NR3C2: variants seen among roughly 807,000 people sequenced by gnomAD.
NR3C2 encodes the protein nuclear receptor subfamily 3 group C member 2.
Under a neutral mutation model 86.4 loss-of-function variants are expected in NR3C2, and 15 were observed. The observed-to-expected ratio is 0.17, with a 90% CI of 0.12 to 0.27. The LOEUF (loss-of-function observed/expected upper bound fraction) is 0.27. Among genes scored for constraint, NR3C2 ranks in the 10% least tolerant of loss-of-function variants. The pLI is 1.00. For missense variants in NR3C2, 960 were observed against 1,195.6 expected (o/e 0.80, Z 2.91); for synonymous variants, 458 against 450.5 (o/e 1.02, Z -0.21).
At chr4:148,186,984 G>C (rs1417928451) in intron 4 of NR3C2, among the ~76,000 whole-genome samples, 1 of 38,604 alleles carries the variant, frequency 2.6e-5, no homozygotes, top group Non-Finnish European at 3.9e-5. Flanking sequence ...TCATACTGAT[G>C]TGTGTATGTA....
chr4:148,116,079 T>A (rs974860321), intron 7 of NR3C2, among the ~76,000 whole-genome samples: 5 of 152,190 alleles, frequency 3.3e-5, no homozygotes, highest in African/African-American at 1.2e-4. Flanking sequence ...TATAAAACTG[T>A]ACAAAGTAAA....
intron 2 of NR3C2, among the ~76,000 whole-genome samples, chr4:148,281,676 C>T (rs552336632): frequency 1.3e-5 from 2 of 152,310 alleles, no homozygotes; most frequent in East Asian, 3.9e-4. Flanking sequence ...ACCACATTCT[C>T]TGAATTTTCA....
intron 4 of NR3C2, among the ~76,000 whole-genome samples, chr4:148,163,495 A>C (rs1366771507): frequency 6.6e-6 from 1 of 152,226 alleles, no homozygotes. Context: ...CAAAGGGCAG[A>C]CTGTGATCTC....
chr4:148,315,296 T>G (rs1425307065), intron 2 of NR3C2, among the ~76,000 whole-genome samples: 1 of 152,222 alleles, frequency 6.6e-6, no homozygotes, highest in Non-Finnish European at 1.5e-5. Context: ...GCTGTCACTG[T>G]GCCTGTACAC....
chr4:148,226,216 T>C (rs1226889759), intron 3 of NR3C2, among the ~76,000 whole-genome samples: 3 of 152,136 alleles, frequency 2.0e-5, no homozygotes, highest in Admixed American at 6.6e-5. Context: ...TCGTACAATA[T>C]AGTAAGTCTG....
rs1189806009 is a variant in NR3C2 at position 148,137,695 on chromosome 4, C to T, written c.2510+14774G>A. ...TGGTTCTCAAATTGTGGTCTGAGGA[C>T]GCCAGGGTGTCCCCAAAACCCTTTC... On this transcript the variant is annotated intron_variant, in intron 6 of 8. Coordinates refer to ENST00000358102, the MANE Select transcript of NR3C2 (RefSeq NM_000901.5). 4.6e-5 allele frequency among the ~76,000 whole-genome samples: 7 copies of T among 152,244 alleles called. No individual in the cohort carries two copies. The East Asian group carries it at 5.8e-4, about 13-fold the overall frequency.
chr4:148,301,243 A>G (rs1008076406), intron 2 of NR3C2, among the ~76,000 whole-genome samples: 4 of 152,144 alleles, frequency 2.6e-5, no homozygotes, highest in African/African-American at 9.7e-5. Context: ...GCTCTAATTA[A>G]CTGACTTAAA....
chr4:148,165,341 A>T (rs905254595), intron 4 of NR3C2, among the ~76,000 whole-genome samples: 6 of 151,538 alleles, frequency 4.0e-5, no homozygotes, highest in Non-Finnish European at 8.8e-5. Context: ...TAATTTCAGA[A>T]TTTTTTTTTA....
intron 2 of NR3C2, among the ~76,000 whole-genome samples, chr4:148,334,792 T>C (rs2149973209): frequency 6.6e-6 from 1 of 152,288 alleles, no homozygotes; most frequent in African/African-American, 2.4e-5. Flanking sequence ...ATTTATTCTC[T>C]CTACTTTAGA....
intron 2 of NR3C2, among the ~76,000 whole-genome samples, chr4:148,374,378 G>C (rs1052280409): frequency 3.9e-5 from 6 of 152,056 alleles, no homozygotes; most frequent in African/African-American, 1.4e-4. Flanking sequence ...CTTCTAAGAA[G>C]GCCTAGTCCT....
At chr4:148,130,381 C>T (rs1478027151) in intron 6 of NR3C2, among the ~76,000 whole-genome samples, 2 of 152,154 alleles carry the variant, frequency 1.3e-5, no homozygotes, top group Non-Finnish European at 2.9e-5. Flanking sequence ...ACGTAAGATC[C>T]TTTAGTAATA....
At chr4:148,349,886 T>C (rs1745187026) in intron 2 of NR3C2, among the ~76,000 whole-genome samples, 1 of 152,012 alleles carries the variant, frequency 6.6e-6, no homozygotes, top group Admixed American at 6.6e-5. Flanking sequence ...CAAGGTAATG[T>C]TATAAGGCTG....
chr4:148,415,321 T>C (rs1252380674), intron 2 of NR3C2, among the ~76,000 whole-genome samples: 1 of 152,102 alleles, frequency 6.6e-6, no homozygotes, highest in Non-Finnish European at 1.5e-5. Context: ...AGAGGAGAAA[T>C]AAATGTTAGA....
Position 148,436,185 on chromosome 4 carries a change from G to T in NR3C2, c.676C>A (p.His226Asn). Residue 226 changes from histidine (H) to asparagine (N), a missense_variant, in exon 2 of 9, where the codon CAC (histidine) becomes AAC (asparagine). Physicochemically the swap from His to Asn is moderately conservative, Grantham distance 68. Transcript: ENST00000358102. ...TTASFGSFPV[H>N]SPITQGTPLT... is the part of the protein sequence containing the mutation. ...GGAGTTCCCTGGGTGATTGGGCTGTGCACTGGAAAACTGCCAAAGCTGGCT... is the reference window on the plus strand; with the variant it reads ...GGAGTTCCCTGGGTGATTGGGCTGTTCACTGGAAAACTGCCAAAGCTGGCT... 1 of 1,614,188 alleles carries T rather than the reference G, an allele frequency of 6.2e-7. No homozygotes were observed.
rs115971966 is a variant in NR3C2 at position 148,172,841 on chromosome 4, C to T, written c.2015-17940G>A. Among the ~76,000 whole-genome samples the T allele has an allele frequency of 6.2e-3, 938 of 152,244 alleles. 9 individuals carry two copies. The highest frequency in any genetic ancestry group is 0.021 in the African/African-American group (890 of 41,542). On this transcript the variant is annotated intron_variant, in intron 4 of 8. Coordinates refer to ENST00000358102, the MANE Select transcript of NR3C2 (RefSeq NM_000901.5). ...TGCTATAATAAAGGCTCTGGAAGCA[C>T]AGAGAAGGTACTAATCAACTCCATC...
At chr4:148,285,977 C>G (rs1381800303) in intron 2 of NR3C2, among the ~76,000 whole-genome samples, 1 of 152,100 alleles carries the variant, frequency 6.6e-6, no homozygotes, top group African/African-American at 2.4e-5. Context: ...AATGATTTTG[C>G]AATATGTGTT....
chr4:148,352,849 A>C (rs1293486752), intron 2 of NR3C2, among the ~76,000 whole-genome samples: 1 of 152,168 alleles, frequency 6.6e-6, no homozygotes, highest in East Asian at 1.9e-4. Flanking sequence ...AACCCCTAAA[A>C]ATAAAGATTC....
intron 2 of NR3C2, among the ~76,000 whole-genome samples, chr4:148,277,712 C>A (rs769838706): frequency 2.0e-5 from 3 of 152,172 alleles, no homozygotes; most frequent in Non-Finnish European, 2.9e-5. Context: ...AAAAGTTGTA[C>A]ACAAATGGTG....
intron 2 of NR3C2, among the ~76,000 whole-genome samples, chr4:148,313,244 A>C (rs920288622): frequency 1.4e-4 from 21 of 152,182 alleles, no homozygotes; most frequent in African/African-American, 4.6e-4. Context: ...AACACACACA[A>C]AAAACACAAC....
Sources: gnomAD v4.1 joint callset for allele counts (sites outside exome capture counted in the v4.1 genomes callset) on GRCh38, gnomAD v4.1.1 for gene constraint, MANE v1.5 for transcripts, NCBI Gene and HGNC (gene_info 2026-07-23, HGNC 2026-07-21) for gene names.